Variants in ITSN2 observed in about 807,000 individuals in gnomAD.
ITSN2 encodes the protein intersectin-2.
ITSN2 carries 156 observed loss-of-function variants against 243.7 expected under a neutral mutation model. That is an observed-to-expected ratio of 0.64 (90% CI 0.56 to 0.73). The LOEUF (loss-of-function observed/expected upper bound fraction) is 0.73, where lower values mean the gene tolerates loss of function less well. ITSN2 is among the 30% of genes least tolerant of loss of function. ITSN2 has a pLI of 0.00. For missense variants in ITSN2, 1,801 were observed against 1,996.1 expected (o/e 0.90, Z 1.86); for synonymous variants, 703 against 699.9 (o/e 1.00, Z -0.07).
chr2:24,209,681 G>A, intron 35 of ITSN2, 137 bp downstream of exon 35: 1 of 668,960 alleles, frequency 1.5e-6, no homozygotes, highest in South Asian at 1.8e-5. Context: ...GTGGGAAGCA[G>A]CAAAGGAAGC....
chr2:24,282,374 G>A (rs1047500437), intron 17 of ITSN2, among the ~76,000 whole-genome samples: 3 of 152,168 alleles, frequency 2.0e-5, no homozygotes, highest in Admixed American at 6.5e-5. Context: ...GGGTAAAACC[G>A]TCTCCCTTCT....
intron 17 of ITSN2, among the ~76,000 whole-genome samples, chr2:24,281,695 T>C (rs538500785): frequency 6.6e-6 from 1 of 152,362 alleles, no homozygotes; most frequent in South Asian, 2.1e-4. Context: ...GGTTTTCCTC[T>C]ACTAAGCTTG....
intron 29 of ITSN2, chr2:24,239,994 C>T (rs902733948): frequency 5.3e-5 from 8 of 152,070 alleles, no homozygotes; most frequent in Admixed American, 1.3e-4. Context: ...AGATGCTAAA[C>T]GCTGTCTGAA....
At chr2:24,316,556 C>CA (rs1683960129) in intron 2 of ITSN2, among the ~76,000 whole-genome samples, 1 of 152,230 alleles carries the variant, frequency 6.6e-6, no homozygotes, top group African/African-American at 2.4e-5. Context: ...GCTGGGATTA[C>CA]AGGCGTAAGC....
At chr2:24,283,437 G>T (rs963393012) in intron 17 of ITSN2, among the ~76,000 whole-genome samples, 11 of 152,080 alleles carry the variant, frequency 7.2e-5, no homozygotes, top group Admixed American at 2.0e-4. Context: ...TGTTGGCCAC[G>T]CTGGTCTCAA....
At chr2:24,231,603 G>C (rs939909752) in intron 29 of ITSN2, among the ~76,000 whole-genome samples, 5 of 152,194 alleles carry the variant, frequency 3.3e-5, no homozygotes, top group Non-Finnish European at 7.3e-5. Flanking sequence ...ATGAATCATA[G>C]GTATGTCGCA....
intron 30 of ITSN2, 193 bp downstream of exon 30, chr2:24,220,752 A>T (rs1410165093): frequency 8.6e-6 from 12 of 1,393,022 alleles, no homozygotes; most frequent in Non-Finnish European, 1.1e-5. Context: ...GAGACTTTCA[A>T]TCTCAAGCAT....
chr2:24,281,179 C>G (rs920976268), intron 17 of ITSN2, among the ~76,000 whole-genome samples: 1 of 152,152 alleles, frequency 6.6e-6, no homozygotes, highest in Non-Finnish European at 1.5e-5. Flanking sequence ...AAGGCGCGTG[C>G]CACCACACCC....
chr2:24,268,623 A>G (rs1382802187), intron 20 of ITSN2, among the ~76,000 whole-genome samples: 1 of 152,188 alleles, frequency 6.6e-6, no homozygotes, highest in Non-Finnish European at 1.5e-5. Context: ...ACACTTTGCT[A>G]TATATAAATT....
chr2:24,357,407 A>G (rs1055373304), intron 1 of ITSN2, among the ~76,000 whole-genome samples: 24 of 152,130 alleles, frequency 1.6e-4, no homozygotes, highest in African/African-American at 5.8e-4. Flanking sequence ...GTTCTCACTC[A>G]TAAGTGGGAG....
chr2:24,253,687 A>C (rs1365526194), intron 24 of ITSN2, among the ~76,000 whole-genome samples: 1 of 152,202 alleles, frequency 6.6e-6, no homozygotes, highest in African/African-American at 2.4e-5. Context: ...TCATCCTTGT[A>C]TTTTCCAGGC....
At chr2:24,206,301 T>C in intron 37 of ITSN2, 1 of 422,108 alleles carries the variant, frequency 2.4e-6, no homozygotes, top group Non-Finnish European at 4.8e-6. Flanking sequence ...CATAAAGAGC[T>C]GCAACTATAG....
At chr2:24,331,606 T>G (rs995608004) in intron 1 of ITSN2, among the ~76,000 whole-genome samples, 2 of 152,192 alleles carry the variant, frequency 1.3e-5, no homozygotes, top group Non-Finnish European at 2.9e-5. Flanking sequence ...GAAAACAAAT[T>G]TGTTTTTATG....
Position 24,205,293 on chromosome 2 carries a change from G to A in ITSN2, c.4683C>T (p.Arg1561=), listed in dbSNP as rs115036182. 658 of 1,613,380 alleles carry A rather than the reference G, an allele frequency of 4.1e-4. 1 individual carries two copies. In the African/African-American group the frequency reaches 7.5e-3, roughly 19 times the overall value. ...GCCCAATGCCTGAAGTCTTTTGGGA[G>A]CGGGCTACAAAAGAGGAAGACAAGT... ...KKKREKAYQA[R]SQKTSGIGRL... Residue 1561 remains arginine (R), a synonymous_variant, in exon 38 of 40, where the codon CGC becomes CGT. Transcript: ENST00000355123.
At position 24,316,524 on chromosome 2, in the gene ITSN2, A is replaced by G. The variant is rs112543550; in HGVS notation, c.32-1300T>C. Among the ~76,000 whole-genome samples, 740 of 152,138 alleles carry G rather than the reference A, an allele frequency of 4.9e-3. 10 individuals are homozygous for G. The highest frequency in any genetic ancestry group is 0.017 in the African/African-American group (722 of 41,516). On this transcript the variant is annotated intron_variant, in intron 2 of 39. Coordinates refer to ENST00000355123, the MANE Select transcript of ITSN2 (RefSeq NM_006277.3). ...TCTTGATCTCCTGACCTCATGATCC[A>G]CCCACCTCGGCCTCCCAAAGTGCTG...
chr2:24,213,422 T>C (rs538853021), intron 32 of ITSN2, among the ~76,000 whole-genome samples: 1 of 152,358 alleles, frequency 6.6e-6, no homozygotes, highest in South Asian at 2.1e-4. Flanking sequence ...ATGGCAGCTT[T>C]TAATGACTGA....
At chr2:24,354,372 G>A (rs1325462332) in intron 1 of ITSN2, among the ~76,000 whole-genome samples, 2 of 152,264 alleles carry the variant, frequency 1.3e-5, no homozygotes, top group East Asian at 1.9e-4. Context: ...AGATTATTCC[G>A]ATGGTAAGAT....
chr2:24,252,545 G>A, intron 24 of ITSN2, 34 bp from the exon 25 acceptor site: 2 of 1,506,680 alleles, frequency 1.3e-6, no homozygotes, highest in Non-Finnish European at 1.8e-6. Flanking sequence ...AGTAGATTCT[G>A]GTTTTAAGAT....
chr2:24,359,878 A>G (rs1419496515), intron 1 of ITSN2, among the ~76,000 whole-genome samples: 2 of 151,818 alleles, frequency 1.3e-5, no homozygotes, highest in African/African-American at 4.8e-5. Context: ...AGGAAAACCA[A>G]CTCCGCGAAA....
Sources: gnomAD v4.1 joint callset for allele counts (sites outside exome capture counted in the v4.1 genomes callset) on GRCh38, gnomAD v4.1.1 for gene constraint, MANE v1.5 for transcripts, NCBI Gene and HGNC (gene_info 2026-07-23, HGNC 2026-07-21) for gene names.